Variants in DNASE1 observed in about 807,000 individuals in gnomAD.
DNASE1 encodes the protein deoxyribonuclease 1.
DNASE1 carries 40 observed loss-of-function variants against 33.9 expected under a neutral mutation model. The observed-to-expected ratio is 1.18, with a 90% confidence interval of 0.92 to 1.54. The LOEUF (loss-of-function observed/expected upper bound fraction) is 1.54, where lower values mean the gene tolerates loss of function less well. DNASE1 is among the 40% of genes most tolerant of loss of function. The pLI, the probability that DNASE1 is intolerant of heterozygous loss-of-function variation, is 0.00. For missense variants in DNASE1, 518 were observed against 372.6 expected, an observed-to-expected ratio of 1.39 and a Z score of -3.21; for synonymous variants, 216 against 160.0, an observed-to-expected ratio of 1.35 and a Z score of -2.64.
At chr16:3,664,513 G>C in exon 10 of DNASE1, 1 of 1,543,890 alleles carries the variant, frequency 6.5e-7, no homozygotes, top group Non-Finnish European at 8.7e-7. Flanking sequence ...GCTCAATGTT[G>C]CCCAACTAAC....
At chr16:3,655,328 TGAC>T in intron 1 of DNASE1, 42 bp from the exon 2 acceptor site, 1 of 1,612,124 alleles carries the variant, frequency 6.2e-7, no homozygotes, top group Non-Finnish European at 8.5e-7. Context: ...GTGGCAGGGA[TGAC>T]GTCTCACTTC....
At chr16:3,659,013 A>C, downstream of DNASE1, 1 of 762,178 alleles carries the variant, frequency 1.3e-6, no homozygotes, top group East Asian at 2.8e-5. Flanking sequence ...TCATTTATAG[A>C]TAATATCATT....
chr16:3,653,551 G>C (rs946380198), upstream of DNASE1: 1 of 152,146 alleles, frequency 6.6e-6, no homozygotes, highest in South Asian at 2.1e-4. Context: ...GCTCACGCCT[G>C]TAATCCCAGC....
At chr16:3,661,968 G>A (rs1179243266), downstream of DNASE1, 1 of 1,587,084 alleles carries the variant, frequency 6.3e-7, no homozygotes. Flanking sequence ...GGCTGGAAGA[G>A]CCAGGAGCGT....
chr16:3,658,256 TATGAGGGGC>T, downstream of DNASE1: 1 of 1,577,756 alleles, frequency 6.3e-7, no homozygotes, highest in Non-Finnish European at 8.7e-7. Flanking sequence ...AGAAACCCAT[TATGAGGGGC>T]ATGGGGCACC....
chr16:3,659,207 A>C (rs1209593498), downstream of DNASE1: 1 of 223,386 alleles, frequency 4.5e-6, no homozygotes, highest in Admixed American at 5.7e-5. Context: ...AACATATTAT[A>C]GGGCTCTAGT....
chr16:3,613,908 A>ATGTTTTTTTTT (rs2041000302), intron 1 of DNASE1, among the ~76,000 whole-genome samples: 2 of 113,140 alleles, frequency 1.8e-5, no homozygotes, highest in African/African-American at 7.5e-5. Flanking sequence ...CGCCTGGCTA[A>ATGTTTTTTTTT]TTTTTTTTTT....
chr16:3,642,510 C>G (rs2042052953), upstream of DNASE1, among the ~76,000 whole-genome samples: 2 of 152,146 alleles, frequency 1.3e-5, no homozygotes, highest in Non-Finnish European at 2.9e-5. Flanking sequence ...AGAAGGCCCC[C>G]TCTGACACAC....
intron 1 of DNASE1, among the ~76,000 whole-genome samples, chr16:3,646,716 T>A (rs1029544220): frequency 1.3e-5 from 2 of 152,080 alleles, no homozygotes; most frequent in Non-Finnish European, 2.9e-5. Context: ...TTGCGAGATG[T>A]TCTGAGAGCT....
intron 4 of DNASE1, 43 bp from the exon 5 acceptor site, chr16:3,656,595 C>A: frequency 1.3e-6 from 2 of 1,548,560 alleles, no homozygotes; most frequent in Non-Finnish European, 1.8e-6. Context: ...AGTGGGGCAG[C>A]TTCCAGCCTG....
At chr16:3,623,134 A>T (rs1372200736) in intron 1 of DNASE1, among the ~76,000 whole-genome samples, 2 of 152,196 alleles carry the variant, frequency 1.3e-5, no homozygotes, top group African/African-American at 4.8e-5. Context: ...GTACTTGTAC[A>T]TATTTTTGTA....
At chr16:3,658,867 T>C, downstream of DNASE1, 1 of 1,613,940 alleles carries the variant, frequency 6.2e-7, no homozygotes, top group South Asian at 1.1e-5. Context: ...AGCGCGTGCC[T>C]GCAACACAGA....
exon 10 of DNASE1, chr16:3,664,542 T>C (rs1352303911): frequency 7.0e-7 from 1 of 1,425,316 alleles, no homozygotes; most frequent in African/African-American, 1.4e-5. Flanking sequence ...AACCCTCCGA[T>C]GCCCATGGCC....
upstream of DNASE1, chr16:3,651,974 G>A (rs912975265): frequency 1.3e-5 from 2 of 152,396 alleles, no homozygotes; most frequent in African/African-American, 2.4e-5. Flanking sequence ...GGCTCCAGAC[G>A]GTTGAAGGCC....
At chr16:3,627,958 AAAAG>A (rs930372840) in intron 1 of DNASE1, among the ~76,000 whole-genome samples, 1 of 151,160 alleles carries the variant, frequency 6.6e-6, no homozygotes, top group Non-Finnish European at 1.5e-5. Flanking sequence ...AAAAAAAAAA[AAAAG>A]TCATTGGGAT....
chr16:3,658,716 C>A (rs374867889), downstream of DNASE1: 1 of 1,365,152 alleles, frequency 7.3e-7, no homozygotes, highest in Non-Finnish European at 1.0e-6. Flanking sequence ...TAGAGGAAAC[C>A]GCTGTTCCAC....
rs200538894 is a variant in DNASE1, at chr16:3,657,767, C to T, written c.752C>T (p.Ser251Leu). ...CTCCGAGGCGCCGTTGTTCCCGACT[C>T]GGCTCTTCCCTTTAACTTCCAGGCT... Reference protein sequence around the residue: ...MLLRGAVVPDSALPFNFQAAY... With the variant: ...MLLRGAVVPDLALPFNFQAAY... Residue 251 changes from serine (S) to leucine (L), a missense_variant, in exon 8 of 9, where the codon TCG (serine) becomes TTG (leucine). Physicochemically the swap from Ser to Leu is moderately radical, Grantham distance 145 (BLOSUM62 -2). Coordinates refer to ENST00000246949, the MANE Select transcript of DNASE1 (RefSeq NM_005223.4). The T allele has an allele frequency of 4.3e-6, 7 of 1,614,030 alleles. No homozygotes were observed. The highest frequency in any genetic ancestry group is 1.7e-4 in the Middle Eastern group (1 of 6,058).
At position 3,633,902 on chromosome 16, in the gene DNASE1, G is replaced by A. The variant is rs368646205; in HGVS notation, c.-1358-6813G>A. ...CGGCTCACTGCAAGCTCTGGATTCC[G>A]GATTCACACCATTCTCCTACCTCAG... is the stretch of plus-strand genomic sequence containing the variant. On this transcript the variant is annotated intron_variant and NMD_transcript_variant, in intron 1 of 11. Transcript: ENST00000570769. Among the ~76,000 whole-genome samples, 8 of 151,466 alleles carry A rather than the reference G, an allele frequency of 5.3e-5. No homozygotes were observed. In the East Asian group the frequency reaches 7.9e-4, roughly 15 times the overall value.
chr16:3,662,652 G>A (rs766085846), downstream of DNASE1: 2 of 682,882 alleles, frequency 2.9e-6, no homozygotes, highest in South Asian at 1.5e-5. Flanking sequence ...TCAGTTCTCA[G>A]TTCACACCTG....
Sources: allele counts gnomAD v4.1 joint callset (sites outside exome capture counted in the v4.1 genomes callset), GRCh38; gene constraint gnomAD v4.1.1; transcripts MANE v1.5; gene names NCBI Gene and HGNC (gene_info 2026-07-23, HGNC 2026-07-21).